AGAP9: variants seen among roughly 807,000 people sequenced by gnomAD.
AGAP9 encodes the protein arf-GAP with GTPase, ANK repeat and PH domain-containing protein 9.
In AGAP9, 23 loss-of-function variants were observed where a neutral mutation model predicts 55.6. The ratio of observed to expected loss-of-function variants is 0.41; its 90% CI spans 0.30 to 0.59. AGAP9 has a LOEUF of 0.59. Ranked by LOEUF, AGAP9 falls within the 20% of genes least tolerant of loss-of-function variation. The pLI is 0.25. For synonymous variants in AGAP9, 120 were observed against 305.0 expected (o/e 0.39, Z 6.32); for missense variants, 309 against 808.1 (o/e 0.38, Z 7.49).
chr10:47,516,892 CTACT>C (rs1301313546), intron 4 of AGAP9, among the ~76,000 whole-genome samples: 2 of 118,354 alleles, frequency 1.7e-5, no homozygotes, highest in Non-Finnish European at 3.3e-5. Context: ...CACCCAGAGG[CTACT>C]TAATGATATT....
rs1363708102 is a variant in AGAP9, at chr10:47,503,127, C to A, written c.1002G>T (p.Arg334=). 6 of 1,610,760 alleles carry A rather than the reference C, an allele frequency of 3.7e-6. No individual in the cohort carries two copies. The African/African-American group carries it at 6.8e-5, about 18-fold the overall frequency. ...TTCCTGGGACTTTGATGGTAGATGT[C>A]CGAAGGTCAATCTCTTTTTTATGAA... ...KNIHKKEIDL[R]TSTIKVPGKW... is the part of the protein sequence containing the mutation. The change falls in exon 8 of 8, where the codon CGG becomes CGT. Residue 334 remains arginine (R), a synonymous_variant. Coordinates refer to ENST00000452145, the MANE Select transcript of AGAP9 (RefSeq NM_001190810.1).
rs1840400031 is a variant in AGAP9 at position 47,503,422 on chromosome 10, G to A, written c.707C>T (p.Thr236Ile). The A allele has an allele frequency of 6.2e-7, 1 of 1,610,136 alleles. No individual in the cohort carries two copies. The highest frequency in any genetic ancestry group is 1.1e-5 in the South Asian group (1 of 90,936). ...GCAAACGGGGGTGGGTGTGTTGGCAGTGGGAGGAACACTGAACTGAGGGTC... is the reference window on the plus strand; with the variant it reads ...GCAAACGGGGGTGGGTGTGTTGGCAATGGGAGGAACACTGAACTGAGGGTC... ...QEDPQFSVPP[T>I]ANTPTPVCKR... Residue 236 changes from threonine (T) to isoleucine (I), a missense_variant, in exon 8 of 8, where the codon ACT becomes ATT. By Grantham distance (89) the Thr-to-Ile change is moderately conservative (BLOSUM62 -1). Coordinates refer to ENST00000452145, the MANE Select transcript of AGAP9 (RefSeq NM_001190810.1).
Position 47,519,156 on chromosome 10 carries a change from C to A in AGAP9, c.362-1299G>T, listed in dbSNP as rs1252634053. 1.5e-5 allele frequency among the ~76,000 whole-genome samples: 2 copies of A among 136,982 alleles called. 1 individual carries two copies. Among genetic ancestry groups the A allele is most frequent in the Non-Finnish European group, 3.1e-5 (2 of 65,004 alleles). The allele number at this position is 136,982 out of a possible 152,430, so 89.9% of individuals were successfully genotyped here. A position where few individuals can be genotyped will look rare whatever the true frequency, so the allele number is the denominator to read the frequency against. ...ATCCCCATGGTAATAAGCAAATTCT[C>A]ATTATGGTAATTTAAAAGGCTGTGG... On this transcript the variant is annotated intron_variant, in intron 3 of 7. Coordinates refer to ENST00000452145, the MANE Select transcript of AGAP9 (RefSeq NM_001190810.1).
chr10:47,514,082 T>C (rs1242281451), intron 4 of AGAP9, among the ~76,000 whole-genome samples: 5 of 141,678 alleles, frequency 3.5e-5, no homozygotes, highest in Non-Finnish European at 7.7e-5. Flanking sequence ...CAACAGAGTA[T>C]ACAGACAACC....
intron 4 of AGAP9, among the ~76,000 whole-genome samples, chr10:47,514,096 G>T: frequency 7.1e-6 from 1 of 141,538 alleles, no homozygotes; most frequent in Non-Finnish European, 1.5e-5. Flanking sequence ...GACAACCACA[G>T]AGTGGGAGGA....
intron 4 of AGAP9, among the ~76,000 whole-genome samples, chr10:47,517,420 G>GCA (rs1429248180): frequency 7.8e-6 from 1 of 128,764 alleles, no homozygotes; most frequent in African/African-American, 3.1e-5. Flanking sequence ...TTACAGGCAT[G>GCA]CACCAGCACG....
At chr10:47,504,846 C>CTTTT (rs59529030) in intron 6 of AGAP9, among the ~76,000 whole-genome samples, 2 of 46,850 alleles carry the variant, frequency 4.3e-5, no homozygotes, top group African/African-American at 7.4e-5. Context: ...CATAACTGTT[C>CTTTT]TTTTTTTTTT....
At chr10:47,514,048 C>T (rs1403887548) in intron 4 of AGAP9, among the ~76,000 whole-genome samples, 1 of 141,742 alleles carries the variant, frequency 7.1e-6, no homozygotes, top group Non-Finnish European at 1.5e-5. Flanking sequence ...AACTAAAGAG[C>T]TTCTGCACAG....
intron 4 of AGAP9, among the ~76,000 whole-genome samples, chr10:47,510,884 TC>T (rs1414185396): frequency 3.0e-5 from 4 of 131,928 alleles, no homozygotes; most frequent in Non-Finnish European, 6.3e-5. Flanking sequence ...CATATTTTTT[TC>T]TACAGCAATA....
chr10:47,514,226 T>G (rs1840686047), intron 4 of AGAP9, among the ~76,000 whole-genome samples: 1 of 148,500 alleles, frequency 6.7e-6, no homozygotes, highest in African/African-American at 2.6e-5. Flanking sequence ...AATGAGCGGA[T>G]AAAGAAACTG....
rs1588945777 is a variant in AGAP9 at position 47,503,280 on chromosome 10, G to T, written c.849C>A (p.Pro283=). 5 of 1,577,242 alleles carry T rather than the reference G, an allele frequency of 3.2e-6. No individual in the cohort carries two copies. In the East Asian group the frequency reaches 1.2e-4, roughly 38 times the overall value. The part of the protein sequence containing the change: ...ADTIGSGRAI[P]IKQGMLLKRS... ...GCTTTAAGAGCATGCCCTGTTTAAT[G>T]GGGATGGCTCTGCCGCTCCCGATGG... Residue 283 remains proline (P), a synonymous_variant, in exon 8 of 8, where the codon CCC becomes CCA. Coordinates refer to ENST00000452145, the MANE Select transcript of AGAP9 (RefSeq NM_001190810.1).
chr10:47,502,054 T>G lies in AGAP9; in HGVS notation c.*98A>C. 1 of 1,537,678 alleles carries G rather than the reference T, an allele frequency of 6.5e-7. No individual in the cohort carries two copies. On this transcript the variant is annotated 3_prime_UTR_variant, in exon 8 of 8. Transcript: ENST00000452145. ...CATTTTGTTTTTGCACCAAGGAGAC[T>G]GCAGTCAAATAAAACAGATACTACA...
In AGAP9 at chr10:47,522,424, C is replaced by T. The variant is rs1840867244; in HGVS notation, c.292+442G>A. On this transcript the variant is annotated intron_variant, in intron 2 of 7. Transcript: ENST00000452145. ...AGAAACCCCAAACACACACACACAA[C>T]CATTTTTCTGCAGCCCCGGCTGTGA... 2.0e-5 allele frequency among the ~76,000 whole-genome samples: 3 copies of T among 150,238 alleles called. No individual in the cohort carries two copies. The South Asian group carries it at 6.3e-4, about 31-fold the overall frequency.
chr10:47,510,087 G>A, intron 5 of AGAP9, 84 bp downstream of exon 5: 5 of 1,460,668 alleles, frequency 3.4e-6, no homozygotes, highest in Non-Finnish European at 3.6e-6. Flanking sequence ...AATTTCTTAA[G>A]CTGATTGCTG....
chr10:47,521,228 T>C (rs1840826001), intron 2 of AGAP9, among the ~76,000 whole-genome samples: 1 of 133,704 alleles, frequency 7.5e-6, no homozygotes, highest in Non-Finnish European at 1.6e-5. Flanking sequence ...GAGCCATTTT[T>C]GGGCTCTCAT....
chr10:47,521,710 T>A (rs1280575895), intron 2 of AGAP9, among the ~76,000 whole-genome samples: 1 of 150,596 alleles, frequency 6.6e-6, no homozygotes, highest in Non-Finnish European at 1.5e-5. Context: ...AACCAACTAA[T>A]TGTTTTCTGT....
rs1840581050 is a variant in AGAP9, at chr10:47,510,360, C to A, written c.397-89G>T. Reference sequence around the variant, plus strand: ...CAAATGACAAAGCACTAAGATATGTCTTACACTCCATGAACTGCCTGAGTG... The same window carrying A: ...CAAATGACAAAGCACTAAGATATGTATTACACTCCATGAACTGCCTGAGTG... On this transcript the variant is annotated intron_variant, in intron 4 of 7. Coordinates refer to ENST00000452145, the MANE Select transcript of AGAP9 (RefSeq NM_001190810.1). 4 of 1,288,964 alleles carry A rather than the reference C, an allele frequency of 3.1e-6. No individual in the cohort carries two copies. The African/African-American group carries it at 6.2e-5, about 20-fold the overall frequency. 79.8% of individuals were successfully genotyped at this position (1,288,964 alleles called of 1,614,324 possible).
Position 47,503,267 on chromosome 10 carries a change from T to C in AGAP9, c.862A>G (p.Met288Val). 6.4e-6 allele frequency: 10 copies of C among 1,564,250 alleles called. 2 individuals are homozygous for C. The South Asian group carries it at 1.1e-4, about 17-fold the overall frequency. ...CATTTTCCACTTCGCTTTAAGAGCA[T>C]GCCCTGTTTAATGGGGATGGCTCTG... The part of the protein sequence containing the change: ...SGRAIPIKQG[M>V]LLKRSGKWLK... The change falls in exon 8 of 8, where the codon ATG becomes GTG. Residue 288 changes from methionine to valine, a missense_variant. Physicochemically the swap from Met to Val is conservative, Grantham distance 21 (BLOSUM62 1). Coordinates refer to ENST00000452145, the MANE Select transcript of AGAP9 (RefSeq NM_001190810.1).
At chr10:47,521,967 A>G (rs1421210362) in intron 2 of AGAP9, among the ~76,000 whole-genome samples, 2 of 150,674 alleles carry the variant, frequency 1.3e-5, no homozygotes, top group African/African-American at 2.5e-5. Flanking sequence ...TTTCTTTTTT[A>G]GTAGAGACAG....
Sources: gnomAD v4.1 joint callset for allele counts (sites outside exome capture counted in the v4.1 genomes callset) on GRCh38, gnomAD v4.1.1 for gene constraint, MANE v1.5 for transcripts, NCBI Gene and HGNC (gene_info 2026-07-23, HGNC 2026-07-21) for gene names.